Variants in ADAMTS18 observed in about 807,000 individuals in gnomAD.
ADAMTS18 encodes the protein ADAM metallopeptidase with thrombospondin type 1 motif 18, also known as A disintegrin and metalloproteinase with thrombospondin motifs 18.
ADAMTS18 carries 157 observed loss-of-function variants against 165.9 expected under a neutral mutation model. That is an observed-to-expected ratio of 0.95 (90% confidence interval 0.83 to 1.08). ADAMTS18 has a LOEUF of 1.08. Among genes scored for constraint, ADAMTS18 ranks in the 50% least tolerant of loss-of-function variants. The pLI is 0.00. For synonymous variants in ADAMTS18, 782 were observed against 578.2 expected, an observed-to-expected ratio of 1.35 and a Z score of -5.06; for missense variants, 2,040 against 1,534.0, an observed-to-expected ratio of 1.33 and a Z score of -5.51.
chr16:77,374,529 A>C (rs1567522857), intron 3 of ADAMTS18, among the ~76,000 whole-genome samples: 1 of 152,064 alleles, frequency 6.6e-6, no homozygotes, highest in Non-Finnish European at 1.5e-5. Context: ...CAGACCAAAA[A>C]CACCATTTAA....
At chr16:77,394,369 A>C (rs2057229556) in intron 3 of ADAMTS18, among the ~76,000 whole-genome samples, 1 of 152,200 alleles carries the variant, frequency 6.6e-6, no homozygotes, top group Non-Finnish European at 1.5e-5. Context: ...TCCGAGCTTC[A>C]GGGATCTTAT....
chr16:77,383,777 G>A lies in ADAMTS18; in HGVS notation c.496-16054C>T, dbSNP rs554669588. 1.1e-4 allele frequency among the ~76,000 whole-genome samples: 17 copies of A among 152,164 alleles called. No homozygotes were observed. In the East Asian group the frequency reaches 2.9e-3, roughly 26 times the overall value. On this transcript the variant is annotated intron_variant, in intron 3 of 22. Coordinates refer to ENST00000282849, the MANE Select transcript of ADAMTS18 (RefSeq NM_199355.4). ...AGGCTGGTCTTGAACTCCTGACATC[G>A]TGATCCGCCCTCCTTGACCTCCCAA...
Position 77,434,470 on chromosome 16 carries a change from G to T in ADAMTS18, c.126C>A (p.Val42=). The change falls in exon 2 of 23, where the codon GTC becomes GTA. Residue 42 remains valine (V), a synonymous_variant. Transcript: ENST00000282849. ...LQLCCLCCAS[V]AAALASDSSS... ...TGCTGTCACTGGCTAAGGCCGCGGCGACCGACGCACAGCAGAGGCAGCACA... is the reference window on the plus strand; with the variant it reads ...TGCTGTCACTGGCTAAGGCCGCGGCTACCGACGCACAGCAGAGGCAGCACA... 1 of 1,570,708 alleles carries T rather than the reference G, an allele frequency of 6.4e-7. No homozygotes were observed. Among genetic ancestry groups the T allele is most frequent in the South Asian group, 1.2e-5 (1 of 86,550 alleles).
chr16:77,324,925 T>A (rs764074445), intron 13 of ADAMTS18, among the ~76,000 whole-genome samples: 8 of 152,196 alleles, frequency 5.3e-5, no homozygotes, highest in Admixed American at 1.3e-4. Flanking sequence ...CAAACAGTCA[T>A]GACCCAAAAC....
chr16:77,368,922 G>C (rs1054937063), intron 3 of ADAMTS18, among the ~76,000 whole-genome samples: 1 of 152,194 alleles, frequency 6.6e-6, no homozygotes, highest in Non-Finnish European at 1.5e-5. Flanking sequence ...TGATGGCACA[G>C]TATGGATATC....
Position 77,289,529 on chromosome 16 carries a change from G to A in ADAMTS18, c.3403-118C>T, listed in dbSNP as rs921093954. ...AGATGCCTGCTGATGAAACAGATTG[G>A]CTGGAGCCAGGCACATGTGCTTACA... On this transcript the variant is annotated intron_variant, in intron 21 of 22. Coordinates refer to ENST00000282849, the MANE Select transcript of ADAMTS18 (RefSeq NM_199355.4). The A allele has an allele frequency of 2.0e-5, 24 of 1,225,930 alleles. No homozygotes were observed. In the African/African-American group the frequency reaches 3.3e-4, roughly 17 times the overall value. 75.9% of individuals were successfully genotyped at this position (1,225,930 alleles called of 1,614,324 possible).
rs916431503 is a variant in ADAMTS18 at position 77,321,271 on chromosome 16, G to C, written c.2164-69C>G. 146 of 1,588,728 alleles carry C rather than the reference G, an allele frequency of 9.2e-5. No individual in the cohort carries two copies. The East Asian group carries it at 3.1e-3, about 34-fold the overall frequency. ...AGCCAGAGGCTGGGAATAATTAAGA[G>C]GTATATGGTTCTCTGTATTTACAGA... On this transcript the variant is annotated intron_variant, in intron 14 of 22. Transcript: ENST00000282849.
intron 3 of ADAMTS18, among the ~76,000 whole-genome samples, chr16:77,390,913 T>C (rs902551670): frequency 9.2e-5 from 14 of 152,146 alleles, no homozygotes; most frequent in East Asian, 3.9e-4. Context: ...GCAGCTACCA[T>C]ACTAAACAGT....
chr16:77,395,062 CACA>C (rs1382259119), intron 3 of ADAMTS18, among the ~76,000 whole-genome samples: 2 of 152,188 alleles, frequency 1.3e-5, no homozygotes, highest in Admixed American at 6.5e-5. Context: ...AGCAGAGCTT[CACA>C]ACAACTTTAT....
intron 22 of ADAMTS18, among the ~76,000 whole-genome samples, chr16:77,287,223 C>T (rs2055271312): frequency 6.6e-6 from 1 of 152,240 alleles, no homozygotes; most frequent in South Asian, 2.1e-4. Flanking sequence ...AGGCAAAGAA[C>T]GGAATCTTCT....
intron 3 of ADAMTS18, among the ~76,000 whole-genome samples, chr16:77,368,569 T>C (rs1164430344): frequency 6.6e-6 from 1 of 151,810 alleles, no homozygotes; most frequent in Non-Finnish European, 1.5e-5. Flanking sequence ...CCTGAATAGC[T>C]GGGACTACAG....
At chr16:77,428,062 C>T (rs1206102093) in intron 3 of ADAMTS18, among the ~76,000 whole-genome samples, 2 of 152,216 alleles carry the variant, frequency 1.3e-5, no homozygotes, top group South Asian at 2.1e-4. Context: ...TCCTAATATA[C>T]ACTGCATGCA....
intron 12 of ADAMTS18, among the ~76,000 whole-genome samples, chr16:77,333,800 G>T (rs921817475): frequency 1.4e-5 from 2 of 146,952 alleles, no homozygotes. Context: ...CTGCTAGATA[G>T]TATAGTACAG....
chr16:77,289,146 C>G (rs989457286), intron 22 of ADAMTS18, 118 bp downstream of exon 22: 3 of 1,328,912 alleles, frequency 2.3e-6, no homozygotes, highest in Admixed American at 3.4e-5. Context: ...ACATAGACTT[C>G]GGGTGAATGG....
chr16:77,334,691 A>T (rs1297046831), intron 12 of ADAMTS18, among the ~76,000 whole-genome samples: 3 of 111,944 alleles, frequency 2.7e-5, no homozygotes, highest in Non-Finnish European at 3.4e-5. Flanking sequence ...GTATATATAT[A>T]TAGTATATAT....
chr16:77,373,834 T>C (rs993268115), intron 3 of ADAMTS18, among the ~76,000 whole-genome samples: 1 of 152,146 alleles, frequency 6.6e-6, no homozygotes, highest in Non-Finnish European at 1.5e-5. Context: ...CTCCCCACCA[T>C]CCCTCATATG....
chr16:77,319,698 C>G, intron 16 of ADAMTS18, 151 bp downstream of exon 16: 1 of 1,310,154 alleles, frequency 7.6e-7, no homozygotes, highest in Non-Finnish European at 1.1e-6. Context: ...CCACCTCAGC[C>G]TCCCAAAGTG....
chr16:77,311,338 A>G (rs1193510327), intron 16 of ADAMTS18, among the ~76,000 whole-genome samples: 1 of 152,196 alleles, frequency 6.6e-6, no homozygotes, highest in East Asian at 1.9e-4. Flanking sequence ...AAATAGATTT[A>G]ATATTTTTGT....
intron 10 of ADAMTS18, among the ~76,000 whole-genome samples, chr16:77,350,561 A>G (rs907922410): frequency 3.3e-5 from 5 of 152,180 alleles, no homozygotes; most frequent in African/African-American, 9.7e-5. Flanking sequence ...CATTTCCCCA[A>G]GCTTATAGGA....
Sources: allele counts gnomAD v4.1 joint callset (sites outside exome capture counted in the v4.1 genomes callset), GRCh38; gene constraint gnomAD v4.1.1; transcripts MANE v1.5; gene names NCBI Gene and HGNC (gene_info 2026-07-23, HGNC 2026-07-21).